HDAC9: variants seen among roughly 807,000 people sequenced by gnomAD.
HDAC9 encodes histone deacetylase 9, also known as MEF-2 interacting transcription repressor (MITR) protein.
Under a neutral mutation model 139.4 loss-of-function variants are expected in HDAC9, and 41 were observed. The ratio of observed to expected loss-of-function variants is 0.29; its 90% CI spans 0.23 to 0.38. The LOEUF is 0.38. HDAC9 is among the 10% of genes least tolerant of loss of function. The pLI, the probability that HDAC9 is intolerant of heterozygous loss-of-function variation, is 1.00. For synonymous variants in HDAC9, 517 were observed against 476.2 expected (o/e 1.09, Z -1.12); for missense variants, 1,147 against 1,297.0 (o/e 0.88, Z 1.78).
intron 1 of HDAC9, among the ~76,000 whole-genome samples, chr7:18,152,811 T>G (rs991697930): frequency 6.6e-6 from 1 of 152,332 alleles, no homozygotes; most frequent in African/African-American, 2.4e-5. Flanking sequence ...AATATAAAGT[T>G]TGTGTAAGTT....
intron 23 of HDAC9, among the ~76,000 whole-genome samples, chr7:18,952,823 T>G (rs1223818935): frequency 1.3e-5 from 2 of 151,532 alleles, no homozygotes; most frequent in Non-Finnish European, 2.9e-5. Flanking sequence ...TGATGTTTTT[T>G]TTTTTTTTTC....
At chr7:18,507,611 C>T (rs1023219418) in intron 2 of HDAC9, among the ~76,000 whole-genome samples, 3 of 152,122 alleles carry the variant, frequency 2.0e-5, no homozygotes, top group African/African-American at 7.2e-5. Context: ...TCTGCCTCAG[C>T]CTCCTGAGTA....
At chr7:18,991,945 C>T (rs1563114795) in intron 25 of HDAC9, among the ~76,000 whole-genome samples, 1 of 152,146 alleles carries the variant, frequency 6.6e-6, no homozygotes, top group Non-Finnish European at 1.5e-5. Flanking sequence ...TAGAACAGAA[C>T]CAGGGCACAC....
At chr7:18,434,994 T>A (rs1791040510) in intron 1 of HDAC9, among the ~76,000 whole-genome samples, 1 of 145,794 alleles carries the variant, frequency 6.9e-6, no homozygotes, top group East Asian at 2.0e-4. Context: ...TCAACCTATA[T>A]GTCCATTGAC....
chr7:18,396,320 A>C (rs1787053422), intron 1 of HDAC9, among the ~76,000 whole-genome samples: 2 of 152,144 alleles, frequency 1.3e-5, no homozygotes, highest in Non-Finnish European at 2.9e-5. Context: ...AGGCTAAAAA[A>C]CTTATAAGAT....
intron 6 of HDAC9, among the ~76,000 whole-genome samples, chr7:18,600,439 C>T (rs528513383): frequency 2.0e-5 from 3 of 152,182 alleles, no homozygotes; most frequent in Non-Finnish European, 2.9e-5. Context: ...ATCTATAATT[C>T]GTTTTGAGAA....
At chr7:18,359,683 A>C (rs1397935308) in intron 1 of HDAC9, among the ~76,000 whole-genome samples, 1 of 152,054 alleles carries the variant, frequency 6.6e-6, no homozygotes, top group Non-Finnish European at 1.5e-5. Context: ...CTCTCAGCTC[A>C]CTGTAACCTC....
chr7:18,901,465 G>C (rs1801716333), intron 22 of HDAC9, among the ~76,000 whole-genome samples: 1 of 152,160 alleles, frequency 6.6e-6, no homozygotes, highest in East Asian at 1.9e-4. Context: ...ACGTAATATA[G>C]TGGAGACTTT....
chr7:18,897,747 G>A (rs1729939951), intron 22 of HDAC9, among the ~76,000 whole-genome samples: 1 of 150,392 alleles, frequency 6.6e-6, no homozygotes, highest in African/African-American at 2.4e-5. Flanking sequence ...GTATAATGAA[G>A]TTTTAAAAGT....
At chr7:18,231,881 G>T (rs1377440756) in intron 2 of HDAC9, among the ~76,000 whole-genome samples, 1 of 152,104 alleles carries the variant, frequency 6.6e-6, no homozygotes, top group Non-Finnish European at 1.5e-5. Context: ...TTGGTACAAA[G>T]AAATCATTTG....
At chr7:18,752,263 T>G in intron 14 of HDAC9, among the ~76,000 whole-genome samples, 1 of 152,074 alleles carries the variant, frequency 6.6e-6, no homozygotes, top group Non-Finnish European at 1.5e-5. Context: ...TTTAGGCTAG[T>G]TGAAAGCGCA....
In HDAC9 at chr7:18,997,744, A is replaced by G. The variant is rs902177275; in HGVS notation, c.*1682A>G. ...AAAGATTTCACTCAAGTAGAATTAT[A>G]TAACTCCCTTTGTTATACAGTCAGA... On this transcript the variant is annotated 3_prime_UTR_variant, in exon 26 of 26. Coordinates refer to ENST00000686413, the MANE Select transcript of HDAC9 (RefSeq NM_178425.4). The G allele has an allele frequency of 1.3e-5, 2 of 152,154 alleles. No homozygotes were observed. Among genetic ancestry groups the G allele is most frequent in the Non-Finnish European group, 2.9e-5 (2 of 68,004 alleles). The allele number at this position is 152,154 out of a possible 1,614,324, so 9.4% of individuals were successfully genotyped here. A position where few individuals can be genotyped will look rare whatever the true frequency, so the allele number is the denominator to read the frequency against.
chr7:18,129,290 C>T (rs1784861531), intron 1 of HDAC9, among the ~76,000 whole-genome samples: 1 of 151,950 alleles, frequency 6.6e-6, no homozygotes, highest in Non-Finnish European at 1.5e-5. Context: ...TTTTCATGTG[C>T]CTAGGTAGGT....
At chr7:18,328,059 G>A (rs1418049082) in intron 1 of HDAC9, among the ~76,000 whole-genome samples, 1 of 151,958 alleles carries the variant, frequency 6.6e-6, no homozygotes, top group Non-Finnish European at 1.5e-5. Flanking sequence ...AAGTATGGCT[G>A]AGAAACCTTT....
At chr7:18,141,846 T>C (rs1785919307) in intron 1 of HDAC9, among the ~76,000 whole-genome samples, 1 of 152,192 alleles carries the variant, frequency 6.6e-6, no homozygotes, top group African/African-American at 2.4e-5. Flanking sequence ...TTTCAATAAA[T>C]AATGTCTTAG....
chr7:18,429,816 C>A (rs372151253), intron 1 of HDAC9, among the ~76,000 whole-genome samples: 6 of 152,138 alleles, frequency 3.9e-5, no homozygotes, highest in Non-Finnish European at 8.8e-5. Context: ...ACAAAGAATA[C>A]ACATTTTTCT....
chr7:18,604,345 A>G (rs368548489), intron 6 of HDAC9, among the ~76,000 whole-genome samples: 1 of 151,322 alleles, frequency 6.6e-6, no homozygotes, highest in Admixed American at 6.6e-5. Flanking sequence ...TTCTATTGAC[A>G]TATCTTCAAA....
chr7:18,137,798 A>G (rs1414945726), intron 1 of HDAC9, among the ~76,000 whole-genome samples: 1 of 152,190 alleles, frequency 6.6e-6, no homozygotes, highest in Non-Finnish European at 1.5e-5. Context: ...CGGCTTTGGA[A>G]TCAGAATGAT....
intron 1 of HDAC9, among the ~76,000 whole-genome samples, chr7:18,357,507 C>T (rs547841351): frequency 6.6e-6 from 1 of 151,990 alleles, no homozygotes; most frequent in South Asian, 2.1e-4. Flanking sequence ...ACAATTTCTG[C>T]CCTTGTGGAA....
Sources: gnomAD v4.1 joint callset for allele counts (sites outside exome capture counted in the v4.1 genomes callset) on GRCh38, gnomAD v4.1.1 for gene constraint, MANE v1.5 for transcripts, NCBI Gene and HGNC (gene_info 2026-07-23, HGNC 2026-07-21) for gene names.